COL28A1: variants seen among roughly 807,000 people sequenced by gnomAD.
COL28A1 encodes the protein collagen type XXVIII alpha 1 chain, also known as collagen alpha-1(XXVIII) chain.
COL28A1 carries 161 observed loss-of-function variants against 150.2 expected under a neutral mutation model. That is an observed-to-expected ratio of 1.07 (90% CI 0.94 to 1.22). The LOEUF (loss-of-function observed/expected upper bound fraction) is 1.22. Ranked by LOEUF, COL28A1 falls within the 50% of genes most tolerant of loss-of-function variation. COL28A1 has a pLI of 0.00. For missense variants in COL28A1, 1,617 were observed against 1,388.3 expected, an observed-to-expected ratio of 1.16 and a Z score of -2.62; for synonymous variants, 552 against 469.7, an observed-to-expected ratio of 1.18 and a Z score of -2.26.
intron 25 of COL28A1, among the ~76,000 whole-genome samples, chr7:7,429,469 T>TG (rs1361721319): frequency 4.7e-5 from 6 of 128,326 alleles, no homozygotes; most frequent in African/African-American, 1.8e-4. Flanking sequence ...TCTGTGTGTG[T>TG]GTGTGGGGGG....
At chr7:7,463,800 G>C (rs772260127) in intron 15 of COL28A1, among the ~76,000 whole-genome samples, 2 of 152,036 alleles carry the variant, frequency 1.3e-5, no homozygotes, top group Non-Finnish European at 2.9e-5. Context: ...ACAGTGAATG[G>C]TACCTCACAT....
chr7:7,533,243 A>G (rs534619024), intron 1 of COL28A1, among the ~76,000 whole-genome samples: 1 of 152,278 alleles, frequency 6.6e-6, no homozygotes, highest in African/African-American at 2.4e-5. Flanking sequence ...ACTGTGGTTC[A>G]ATCACAGGGT....
the COL28A1 span, among the ~76,000 whole-genome samples, chr7:7,339,613 A>G: frequency 6.6e-6 from 1 of 152,024 alleles, no homozygotes; most frequent in African/African-American, 2.4e-5. Context: ...CACTTTACAC[A>G]CCTTTCCTGG....
At chr7:7,528,537 T>C (rs924389034) in intron 3 of COL28A1, among the ~76,000 whole-genome samples, 1 of 152,196 alleles carries the variant, frequency 6.6e-6, no homozygotes, top group Non-Finnish European at 1.5e-5. Flanking sequence ...GTCCATTAAA[T>C]TCAACTAAAG....
At chr7:7,420,056 G>T in intron 25 of COL28A1, 103 bp from the exon 26 acceptor site, 1 of 621,520 alleles carries the variant, frequency 1.6e-6, no homozygotes, top group South Asian at 3.8e-5. Flanking sequence ...TGTGACTAAG[G>T]TATTAATTGA....
Position 7,436,526 on chromosome 7 carries a change from CA to C in COL28A1, c.1792-64del, listed in dbSNP as rs200842740. The C allele has an allele frequency of 1.6e-4, 143 of 867,050 alleles. 1 individual carries two copies. In the African/African-American group the frequency reaches 2.0e-3, roughly 12 times the overall value. 53.7% of individuals were successfully genotyped at this position (867,050 alleles called of 1,614,324 possible). On this transcript the variant is annotated intron_variant, in intron 22 of 34. Coordinates refer to ENST00000399429, the MANE Select transcript of COL28A1 (RefSeq NM_001037763.3). ...TGCGAGAAATCACAAGCACACATAG[CA>C]AAAAAAACCATTGGCCACTCTGTAA...
At chr7:7,482,448 C>T (rs10229355) in intron 13 of COL28A1, among the ~76,000 whole-genome samples, 21,744 of 151,416 alleles carry the variant, frequency 0.14, 1,698 homozygotes, top group Middle Eastern at 0.22. Context: ...TCGCTTGAAG[C>T]CGGGAGGTGG....
At chr7:7,474,770 TA>T in intron 14 of COL28A1, 101 bp from the exon 15 acceptor site, 1 of 714,046 alleles carries the variant, frequency 1.4e-6, no homozygotes. Flanking sequence ...AATTATTTTT[TA>T]AATAAAGCAT....
intron 25 of COL28A1, chr7:7,420,394 G>C (rs935791007): frequency 2.0e-5 from 3 of 152,592 alleles, no homozygotes; most frequent in African/African-American, 7.2e-5. Flanking sequence ...ACTCTAAAAA[G>C]GATTTTCAGC....
At chr7:7,486,990 G>T (rs1044730868) in intron 13 of COL28A1, among the ~76,000 whole-genome samples, 2 of 151,908 alleles carry the variant, frequency 1.3e-5, no homozygotes, top group Admixed American at 1.3e-4. Flanking sequence ...CTCTTCTATT[G>T]TCTGAAAAAG....
chr7:7,450,845 G>A (rs570424947), intron 18 of COL28A1, among the ~76,000 whole-genome samples: 41 of 152,070 alleles, frequency 2.7e-4, no homozygotes, highest in African/African-American at 8.9e-4. Context: ...ACTATAACGC[G>A]ATTAATATCA....
intron 15 of COL28A1, among the ~76,000 whole-genome samples, chr7:7,461,982 G>A (rs1787669847): frequency 6.6e-6 from 1 of 152,132 alleles, no homozygotes; most frequent in Admixed American, 6.5e-5. Flanking sequence ...CCCTCACAGA[G>A]TCCATTTCAC....
Position 7,456,094 on chromosome 7 carries a change from C to T in COL28A1, c.1321G>A (p.Gly441Arg), listed in dbSNP as rs779886357. Reference protein sequence around the residue: ...KGEKGDIGPVGPQGPMGIPGI... With the variant: ...KGEKGDIGPVRPQGPMGIPGI... The stretch of plus-strand genomic sequence containing the variant: ...GGGATACCCATTGGTCCTTGGGGTC[C>T]CACAGGTCCTATATCCCCCTGCACA... The change falls in exon 16 of 35, where the codon GGA becomes AGA. Residue 441 changes from glycine (G) to arginine (R), a missense_variant. By Grantham distance (125) the Gly-to-Arg change is moderately radical (BLOSUM62 -2). Coordinates refer to ENST00000399429, the MANE Select transcript of COL28A1 (RefSeq NM_001037763.3). 1.5e-5 allele frequency: 24 copies of T among 1,613,572 alleles called. No individual in the cohort carries two copies. Among genetic ancestry groups the T allele is most frequent in the Admixed American group, 1.2e-4 (7 of 59,972 alleles).
At chr7:7,475,481 A>G (rs1788788040) in intron 14 of COL28A1, among the ~76,000 whole-genome samples, 1 of 152,222 alleles carries the variant, frequency 6.6e-6, no homozygotes. Flanking sequence ...GCAGCACGGA[A>G]CACGATGTGT....
intron 33 of COL28A1, among the ~76,000 whole-genome samples, chr7:7,364,425 A>C (rs181771968): frequency 1.2e-4 from 19 of 152,300 alleles, no homozygotes; most frequent in Admixed American, 5.2e-4. Context: ...CTACATAAAA[A>C]ACTATTCACT....
At chr7:7,528,084 T>G (rs1782129465) in intron 3 of COL28A1, among the ~76,000 whole-genome samples, 1 of 152,226 alleles carries the variant, frequency 6.6e-6, no homozygotes, top group South Asian at 2.1e-4. Context: ...CACATTGATC[T>G]CTTCTTGGTA....
chr7:7,360,431 G>T lies in COL28A1; in HGVS notation c.3164C>A (p.Thr1055Asn), dbSNP rs1361707128. ...AGGGGTGCTGAGCAGTGGCCTGGGG[G>T]TGGTGGTGGCCTCAGATGAGGTAGT... is the stretch of plus-strand genomic sequence containing the variant. ...PATTSSEATT[T>N]PRPLLSTPVD... The change falls in exon 34 of 35, where the codon ACC (threonine) becomes AAC (asparagine). Residue 1055 changes from threonine to asparagine, a missense_variant. Thr to Asn is a moderately conservative substitution (Grantham distance 65, BLOSUM62 0). Transcript: ENST00000399429. 3 of 1,607,912 alleles carry T rather than the reference G, an allele frequency of 1.9e-6. No homozygotes were observed. Among genetic ancestry groups the T allele is most frequent in the Non-Finnish European group, 2.5e-6 (3 of 1,178,220 alleles).
chr7:7,339,424 CT>C, the COL28A1 span, among the ~76,000 whole-genome samples: 1 of 152,070 alleles, frequency 6.6e-6, no homozygotes, highest in Non-Finnish European at 1.5e-5. Context: ...CTTACCAAAC[CT>C]TTTAGTAGCA....
At chr7:7,388,543 A>G (rs188766775) in intron 27 of COL28A1, among the ~76,000 whole-genome samples, 79 of 152,292 alleles carry the variant, frequency 5.2e-4, no homozygotes, top group African/African-American at 1.9e-3. Flanking sequence ...TTGCTGGGTC[A>G]AATGGTATTT....
Sources: gnomAD v4.1 joint callset for allele counts (sites outside exome capture counted in the v4.1 genomes callset) on GRCh38, gnomAD v4.1.1 for gene constraint, MANE v1.5 for transcripts, NCBI Gene and HGNC (gene_info 2026-07-23, HGNC 2026-07-21) for gene names.